The following PSD3 variants were observed in gnomAD, a reference collection of about 807,000 sequenced individuals.
The protein encoded by PSD3 is pleckstrin and Sec7 domain containing 3, also known as PH and SEC7 domain-containing protein 3.
PSD3 carries 49 observed loss-of-function variants against 105.5 expected under a neutral mutation model. That is an observed-to-expected ratio of 0.46 (90% CI 0.37 to 0.59). PSD3 has a LOEUF of 0.59. PSD3 is among the 20% of genes least tolerant of loss of function. The probability of loss-of-function intolerance (pLI) is 0.00; values close to 1 mark genes in which losing one functional copy is unlikely to be tolerated. For synonymous variants in PSD3, 557 were observed against 457.8 expected, an observed-to-expected ratio of 1.22 and a Z score of -2.77; for missense variants, 1,561 against 1,263.8, an observed-to-expected ratio of 1.24 and a Z score of -3.57.
rs369123923 is a variant in PSD3, at chr8:18,801,238, A to C, written c.2023+32T>G. On this transcript the variant is annotated intron_variant, in intron 7 of 15. Coordinates refer to ENST00000327040, the MANE Select transcript of PSD3 (RefSeq NM_015310.4). ...AATAAGGAAAATAACCATTGATATA[A>C]AAAAGAAATTCAAGGATTTGTATCA... is the stretch of plus-strand genomic sequence containing the variant. 12 of 1,337,758 alleles carry C rather than the reference A, an allele frequency of 9.0e-6. No homozygotes were observed. In the African/African-American group the frequency reaches 1.3e-4, roughly 15 times the overall value. 82.9% of individuals were successfully genotyped at this position (1,337,758 alleles called of 1,614,324 possible). A position where few individuals can be genotyped will look rare whatever the true frequency, so the allele number is the denominator to read the frequency against.
At chr8:18,885,840 C>G (rs544626528) in intron 2 of PSD3, among the ~76,000 whole-genome samples, 2 of 152,302 alleles carry the variant, frequency 1.3e-5, no homozygotes, top group South Asian at 4.1e-4. Context: ...TTTTAACAAA[C>G]AGGAAAAACA....
chr8:18,592,445 A>C (rs1470419160), intron 12 of PSD3, among the ~76,000 whole-genome samples: 1 of 152,306 alleles, frequency 6.6e-6, no homozygotes, highest in East Asian at 1.9e-4. Flanking sequence ...AGAGGGCACA[A>C]AGCTTATTTA....
At chr8:18,566,336 C>T (rs1436234013) in intron 14 of PSD3, among the ~76,000 whole-genome samples, 1 of 151,928 alleles carries the variant, frequency 6.6e-6, no homozygotes. Context: ...ACCATCATTG[C>T]TAACACGGTG....
At chr8:18,568,877 C>A (rs1352661380) in intron 14 of PSD3, among the ~76,000 whole-genome samples, 1 of 150,478 alleles carries the variant, frequency 6.6e-6, no homozygotes, top group Non-Finnish European at 1.5e-5. Context: ...CCACAACAGT[C>A]CCCAGAGGGT....
At chr8:19,035,894 G>T (rs575483486) in intron 1 of PSD3, among the ~76,000 whole-genome samples, 1 of 151,992 alleles carries the variant, frequency 6.6e-6, no homozygotes, top group African/African-American at 2.4e-5. Flanking sequence ...AGCTGGGATT[G>T]CAGGTGCATA....
At chr8:18,987,575 T>G (rs1348158384) in intron 1 of PSD3, among the ~76,000 whole-genome samples, 1 of 151,938 alleles carries the variant, frequency 6.6e-6, no homozygotes, top group East Asian at 1.9e-4. Flanking sequence ...TCCCAGTACT[T>G]TGAAAGGACA....
At chr8:18,905,574 G>A (rs1365324740) in intron 2 of PSD3, among the ~76,000 whole-genome samples, 1 of 152,096 alleles carries the variant, frequency 6.6e-6, no homozygotes, top group East Asian at 1.9e-4. Flanking sequence ...CACCCACCTC[G>A]GCCTCCCAAA....
chr8:19,002,479 G>C (rs7843316), intron 1 of PSD3, among the ~76,000 whole-genome samples: 7,213 of 151,992 alleles, frequency 0.047, 609 homozygotes, highest in African/African-American at 0.16. Context: ...CTACTGAAGA[G>C]TACCATCAAG....
chr8:18,980,313 T>C (rs1205709379), intron 1 of PSD3, among the ~76,000 whole-genome samples: 1 of 152,130 alleles, frequency 6.6e-6, no homozygotes, highest in Non-Finnish European at 1.5e-5. Flanking sequence ...TTCCTAAGAA[T>C]GTGGTGGCTT....
At chr8:18,774,155 CCATA>C (rs1197040811) in intron 8 of PSD3, among the ~76,000 whole-genome samples, 1 of 146,550 alleles carries the variant, frequency 6.8e-6, no homozygotes, top group Admixed American at 6.9e-5. Context: ...ATCAGTTCTC[CCATA>C]CAGATTCCTT....
At chr8:18,822,078 C>T (rs1477709914) in intron 4 of PSD3, among the ~76,000 whole-genome samples, 3 of 152,126 alleles carry the variant, frequency 2.0e-5, no homozygotes, top group Admixed American at 2.0e-4. Context: ...TTTGTTTCAC[C>T]ACCTTGATAA....
At chr8:18,591,993 C>T (rs1308730526) in intron 12 of PSD3, among the ~76,000 whole-genome samples, 3 of 152,092 alleles carry the variant, frequency 2.0e-5, no homozygotes, top group Admixed American at 2.0e-4. Context: ...GCTGATTCTT[C>T]AAATGTGCAG....
chr8:18,681,653 G>A (rs1232629834), intron 9 of PSD3, among the ~76,000 whole-genome samples: 4 of 151,888 alleles, frequency 2.6e-5, no homozygotes, highest in Non-Finnish European at 5.9e-5. Flanking sequence ...CAGTAATTTA[G>A]GGTACAAGCC....
chr8:19,013,369 C>A (rs1449982348), intron 1 of PSD3, among the ~76,000 whole-genome samples, 194 bp downstream of exon 1: 1 of 152,092 alleles, frequency 6.6e-6, no homozygotes, highest in Non-Finnish European at 1.5e-5. Flanking sequence ...AAAGTTGACC[C>A]TGCTGGGCTC....
chr8:18,673,441 C>T (rs750779817), intron 9 of PSD3, among the ~76,000 whole-genome samples: 7 of 152,146 alleles, frequency 4.6e-5, no homozygotes, highest in African/African-American at 7.2e-5. Flanking sequence ...CAGTTTTCTA[C>T]GAATCTATCT....
chr8:18,573,191 C>A (rs983333236), intron 13 of PSD3, among the ~76,000 whole-genome samples: 1 of 152,074 alleles, frequency 6.6e-6, no homozygotes, highest in African/African-American at 2.4e-5. Flanking sequence ...ATAGATATGC[C>A]AGACGTGGTG....
chr8:18,934,102 T>C (rs11780418), intron 2 of PSD3, among the ~76,000 whole-genome samples: 6,124 of 152,320 alleles, frequency 0.04, 175 homozygotes, highest in Admixed American at 0.064. Flanking sequence ...TATGGCTGTG[T>C]ATACACTGCC....
At chr8:18,594,649 G>T (rs991652755) in intron 12 of PSD3, among the ~76,000 whole-genome samples, 1 of 150,954 alleles carries the variant, frequency 6.6e-6, no homozygotes, top group Non-Finnish European at 1.5e-5. Context: ...CTTGGTATCC[G>T]TGGGAGATTT....
rs186710301 is a variant in PSD3 at position 18,819,736 on chromosome 8, G to A, written c.1635-14838C>T. 6.0e-4 allele frequency among the ~76,000 whole-genome samples: 91 copies of A among 151,992 alleles called. No individual in the cohort carries two copies. The East Asian group carries it at 0.016, about 26-fold the overall frequency. ...TAGGACTGCAGGCGCCCACCACCAC[G>A]CCCAGCTAATTTTTGTCTGTTTAGT... On this transcript the variant is annotated intron_variant, in intron 4 of 15. Coordinates refer to ENST00000327040, the MANE Select transcript of PSD3 (RefSeq NM_015310.4).
Sources: allele counts gnomAD v4.1 joint callset (sites outside exome capture counted in the v4.1 genomes callset), GRCh38; gene constraint gnomAD v4.1.1; transcripts MANE v1.5; gene names NCBI Gene and HGNC (gene_info 2026-07-23, HGNC 2026-07-21).